The following DDX43 variants were observed in gnomAD, a reference collection of about 807,000 sequenced individuals.
The protein encoded by DDX43 is probable ATP-dependent RNA helicase DDX43.
A neutral mutation model predicts 84.9 loss-of-function variants in DDX43; 50 were observed. That is an observed-to-expected ratio of 0.59 (90% CI 0.47 to 0.75). The LOEUF (loss-of-function observed/expected upper bound fraction) is 0.75. Ranked by LOEUF, DDX43 falls within the 30% of genes least tolerant of loss-of-function variation. DDX43 has a pLI of 0.00. For synonymous variants in DDX43, 291 were observed against 266.3 expected (o/e 1.09, Z -0.90); for missense variants, 689 against 798.6 (o/e 0.86, Z 1.65).
chr6:73,397,586 A>AT (rs1769495836), intron 1 of DDX43, 103 bp from the exon 2 acceptor site: 2 of 898,844 alleles, frequency 2.2e-6, no homozygotes, highest in Non-Finnish European at 3.5e-6. Context: ...CCCTAGGAGC[A>AT]TTTGGGGGGA....
chr6:73,395,141 T>A lies in DDX43; in HGVS notation c.236T>A (p.Val79Asp). 1.2e-6 allele frequency: 2 copies of A among 1,612,952 alleles called. No homozygotes were observed. The highest frequency in any genetic ancestry group is 1.7e-6 in the Non-Finnish European group (2 of 1,179,438). Residue 79 changes from valine (V) to aspartate (D), a missense_variant, in exon 1 of 17, where the codon GTT (valine) becomes GAT (aspartate). This residue lies in a region of DDX43 where 137 missense variants were observed against 105.9 expected (regional missense o/e 1.29). Coordinates refer to ENST00000370336, the MANE Select transcript of DDX43 (RefSeq NM_018665.3). The part of the protein sequence containing the change: ...PLCFALKSHF[V>D]GAVIGRGGSK... ...TGTTTTGCTTTGAAGAGCCACTTTG[T>A]TGGCGCGGTAATCGGTGAGAATGGG...
At chr6:73,414,181 T>A in intron 13 of DDX43, 102 bp downstream of exon 13, 1 of 701,850 alleles carries the variant, frequency 1.4e-6, no homozygotes, top group South Asian at 1.8e-5. Context: ...TTCTAAGATC[T>A]GTCCTCACCT....
chr6:73,407,990 T>TGGTG lies in DDX43; in HGVS notation c.1069_1070insGTGG (p.Glu357GlyfsTer8). 1 of 1,613,754 alleles carries TGGTG rather than the reference T, an allele frequency of 6.2e-7. No homozygotes were observed. The highest frequency in any genetic ancestry group is 1.1e-5 in the South Asian group (1 of 91,064). On this transcript the variant is annotated frameshift_variant, in exon 9 of 17. Transcript: ENST00000370336. LOFTEE classifies it high-confidence loss of function. ...GTGTATATGGTGGTGGAAATAGAGA[T>TGGTG]GAACAAATAGAAGAGCTTAAAAAAG...
At position 73,414,564 on chromosome 6, in the gene DDX43, A is replaced by G; in HGVS notation, c.1623A>G (p.Leu541=). The G allele has an allele frequency of 6.2e-7, 1 of 1,612,784 alleles. No homozygotes were observed. Among genetic ancestry groups the G allele is most frequent in the Non-Finnish European group, 8.5e-7 (1 of 1,179,420 alleles). The change falls in exon 14 of 17, where the codon CTA becomes CTG. Residue 541 remains leucine, a synonymous_variant. Coordinates refer to ENST00000370336, the MANE Select transcript of DDX43 (RefSeq NM_018665.3). ...ACTTTTTAGGCAAAGTGAGAATACT[A>G]ATTGCAACTGATCTAGCCTCTAGAG... is the stretch of plus-strand genomic sequence containing the variant. ...ENFKTGKVRI[L]IATDLASRGL...
chr6:73,404,789 C>T lies in DDX43; in HGVS notation c.650+18C>T. ...AGTTGGAGGTGGGTAGTTTCATTAC[C>T]TAGTTGTGTAAGTATTTGTATAGTT... On this transcript the variant is annotated intron_variant, in intron 5 of 16. Transcript: ENST00000370336. 1 of 1,584,264 alleles carries T rather than the reference C, an allele frequency of 6.3e-7. No homozygotes were observed. Among genetic ancestry groups the T allele is most frequent in the South Asian group, 1.1e-5 (1 of 89,196 alleles).
intron 13 of DDX43, 66 bp from the exon 14 acceptor site, chr6:73,414,482 T>A (rs2280285): frequency 7.2e-5 from 93 of 1,296,448 alleles, no homozygotes; most frequent in African/African-American, 1.2e-4. Flanking sequence ...AGGGCAAATA[T>A]TATTTTTAGA....
chr6:73,414,457 T>G, intron 13 of DDX43, 91 bp from the exon 14 acceptor site: 1 of 1,093,608 alleles, frequency 9.1e-7, no homozygotes, highest in South Asian at 1.6e-5. Context: ...AGAAATAAAA[T>G]TGATTAAATT....
intron 5 of DDX43, among the ~76,000 whole-genome samples, chr6:73,405,268 C>T (rs1769655028): frequency 6.6e-6 from 1 of 152,116 alleles, no homozygotes; most frequent in Non-Finnish European, 1.5e-5. Flanking sequence ...AGGTGAGGAG[C>T]AGGGTAACTT....
chr6:73,416,198 C>T lies in DDX43; in HGVS notation c.1919C>T (p.Pro640Leu). The T allele has an allele frequency of 6.3e-7, 1 of 1,595,908 alleles. No individual in the cohort carries two copies. The change falls in exon 16 of 17, where the codon CCT becomes CTT. Residue 640 changes from proline (P) to leucine (L), a missense_variant. Pro to Leu is a moderately conservative substitution (Grantham distance 98, BLOSUM62 -3). Coordinates refer to ENST00000370336, the MANE Select transcript of DDX43 (RefSeq NM_018665.3). ...GAAATGGAAAGAAAAATGGAAAGACCTCAAGGAAGGCCCAAGAAGTTTCAT... is the reference window on the plus strand; with the variant it reads ...GAAATGGAAAGAAAAATGGAAAGACTTCAAGGAAGGCCCAAGAAGTTTCAT... ...KREMERKMER[P>L]QGRPKKFH
chr6:73,404,246 G>A (rs113043923), intron 4 of DDX43, among the ~76,000 whole-genome samples: 1 of 151,882 alleles, frequency 6.6e-6, no homozygotes, highest in Non-Finnish European at 1.5e-5. Context: ...CCACTGTGCC[G>A]GGAGAATTTT....
At chr6:73,415,624 G>A (rs1294998539) in intron 15 of DDX43, 40 bp downstream of exon 15, 3 of 1,427,102 alleles carry the variant, frequency 2.1e-6, no homozygotes, top group East Asian at 2.3e-5. Flanking sequence ...CCTGTTATCA[G>A]TATCTCAGTC....
At chr6:73,398,540 C>T (rs1769513811) in intron 2 of DDX43, among the ~76,000 whole-genome samples, 1 of 151,948 alleles carries the variant, frequency 6.6e-6, no homozygotes, top group Non-Finnish European at 1.5e-5. Flanking sequence ...GCGTGAGCCA[C>T]CAGGCCCAGT....
chr6:73,416,954 G>T (rs1287684603), intron 16 of DDX43, among the ~76,000 whole-genome samples: 1 of 152,146 alleles, frequency 6.6e-6, no homozygotes, highest in Non-Finnish European at 1.5e-5. Context: ...CAGGAGAATC[G>T]CTTGAATCTG....
At position 73,414,637 on chromosome 6, in the gene DDX43, C is replaced by T. The variant is rs142525774; in HGVS notation, c.1696C>T (p.Arg566Trp). 266 of 1,613,764 alleles carry T rather than the reference C, an allele frequency of 1.6e-4. No individual in the cohort carries two copies. Among genetic ancestry groups the T allele is most frequent in the Non-Finnish European group, 2.1e-4 (251 of 1,179,906 alleles). ...ACATGTCTATAATTTTGACTTTCCA[C>T]GGAATATTGAAGAATACGTACACCG... Reference protein sequence around the residue: ...VTHVYNFDFPRNIEEYVHRIG... With the variant: ...VTHVYNFDFPWNIEEYVHRIG... Residue 566 changes from arginine to tryptophan, a missense_variant, in exon 14 of 17, where the codon CGG becomes TGG. Physicochemically the swap from Arg to Trp is moderately radical, Grantham distance 101. This residue lies in a region of DDX43 where 552 missense variants were observed against 692.7 expected (regional missense o/e 0.80). Coordinates refer to ENST00000370336, the MANE Select transcript of DDX43 (RefSeq NM_018665.3).
Position 73,406,367 on chromosome 6 carries a change from C to T in DDX43, c.811C>T (p.Gln271Ter). 1 of 1,600,828 alleles carries T rather than the reference C, an allele frequency of 6.2e-7. No individual in the cohort carries two copies. The highest frequency in any genetic ancestry group is 8.5e-7 in the Non-Finnish European group (1 of 1,169,824). Residue 271 changes from glutamine (Q) to a stop codon, truncating the protein, a stop_gained, in exon 7 of 17, where the codon CAG becomes TAG. Transcript: ENST00000370336. LOFTEE classifies it high-confidence loss of function. The part of the protein sequence containing the change: ...GFQKPTPIQS[Q>*]AWPIVLQGID... ...AATGTTTATCATTCCGTTTCAGTCACAGGCATGGCCCATTGTGTTGCAAGG... is the reference window on the plus strand; with the variant it reads ...AATGTTTATCATTCCGTTTCAGTCATAGGCATGGCCCATTGTGTTGCAAGG...
At position 73,404,585 on chromosome 6, in the gene DDX43, A is replaced by ATG. The variant is rs1185153696; in HGVS notation, c.569-104_569-103dup. On this transcript the variant is annotated intron_variant, in intron 4 of 16. Coordinates refer to ENST00000370336, the MANE Select transcript of DDX43 (RefSeq NM_018665.3). ...GCAAAGTGTAGAACTATCAAATGGT[A>ATG]TGCATGGTAAATAAAATATATTGTA... 1.8e-5 allele frequency: 16 copies of ATG among 872,806 alleles called. No individual in the cohort carries two copies. In the African/African-American group the frequency reaches 2.7e-4, roughly 15 times the overall value. The allele number at this position is 872,806 out of a possible 1,614,324, so 54.1% of individuals were successfully genotyped here. A position where few individuals can be genotyped will look rare whatever the true frequency, so the allele number is the denominator to read the frequency against.
At chr6:73,415,611 C>G in intron 15 of DDX43, 27 bp downstream of exon 15, 1 of 1,504,064 alleles carries the variant, frequency 6.6e-7, no homozygotes, top group African/African-American at 1.4e-5. Context: ...CATTAGAAAT[C>G]TACCTGTTAT....
chr6:73,412,692 CGCGTGCGT>C (rs1175153571), intron 11 of DDX43, among the ~76,000 whole-genome samples: 63 of 116,402 alleles, frequency 5.4e-4, no homozygotes, highest in African/African-American at 1.7e-3. Context: ...TGTGTGTGTG[CGCGTGCGT>C]GCGCACGCAT....
At position 73,414,644 on chromosome 6, in the gene DDX43, T is replaced by C. The variant is rs1349426138; in HGVS notation, c.1703T>C (p.Ile568Thr). The change falls in exon 14 of 17, where the codon ATT becomes ACT. Residue 568 changes from isoleucine to threonine, a missense_variant. Coordinates refer to ENST00000370336, the MANE Select transcript of DDX43 (RefSeq NM_018665.3). The part of the protein sequence containing the change: ...HVYNFDFPRN[I>T]EEYVHRIGRT... ...TATAATTTTGACTTTCCACGGAATA[T>C]TGAAGAATACGTACACCGAATAGGG... 1.2e-6 allele frequency: 2 copies of C among 1,613,958 alleles called. No homozygotes were observed. Among genetic ancestry groups the C allele is most frequent in the Admixed American group, 3.3e-5 (2 of 59,988 alleles).
Sources: allele counts gnomAD v4.1 joint callset (sites outside exome capture counted in the v4.1 genomes callset), GRCh38; gene constraint gnomAD v4.1.1; regional missense constraint gnomAD v4.1.1; transcripts MANE v1.5; gene names NCBI Gene and HGNC (gene_info 2026-07-23, HGNC 2026-07-21).